GALNT8: variants seen among roughly 807,000 people sequenced by gnomAD.
The protein encoded by GALNT8 is probable polypeptide N-acetylgalactosaminyltransferase 8.
In GALNT8, 66 loss-of-function variants were observed where a neutral mutation model predicts 62.7. That is an observed-to-expected ratio of 1.05 (90% CI 0.86 to 1.29). The LOEUF is 1.29. Among genes scored for constraint, GALNT8 ranks in the 50% most tolerant of loss-of-function variants. The probability of loss-of-function intolerance (pLI) is 0.00; values close to 1 mark genes in which losing one functional copy is unlikely to be tolerated. For synonymous variants in GALNT8, 288 were observed against 294.3 expected (o/e 0.98, Z 0.22); for missense variants, 771 against 791.8 (o/e 0.97, Z 0.32).
At position 4,721,960 on chromosome 12, in the gene GALNT8, C is replaced by G. The variant is rs12317402; in HGVS notation, c.211+1072C>G. Among the ~76,000 whole-genome samples, 1,010 of 150,202 alleles carry G rather than the reference C, an allele frequency of 6.7e-3. 7 individuals are homozygous for G. The highest frequency in any genetic ancestry group is 0.02 in the African/African-American group (827 of 40,576). Reference sequence around the variant, plus strand: ...ATTAGGGAGTGGTGATGACTCTTAACGAGCATGCTGCCTTCAAGCATCTGT... The same window carrying G: ...ATTAGGGAGTGGTGATGACTCTTAAGGAGCATGCTGCCTTCAAGCATCTGT... On this transcript the variant is annotated intron_variant, in intron 1 of 10. Transcript: ENST00000252318.
At chr12:4,770,981 A>AG in intron 10 of GALNT8, among the ~76,000 whole-genome samples, 1 of 152,182 alleles carries the variant, frequency 6.6e-6, no homozygotes, top group East Asian at 1.9e-4. Flanking sequence ...CAGGGAACAG[A>AG]GGGGGGCTGC....
chr12:4,734,604 C>T (rs77376232), intron 2 of GALNT8, among the ~76,000 whole-genome samples: 6,031 of 151,742 alleles, frequency 0.04, 235 homozygotes, highest in East Asian at 0.2. Context: ...ACCCTCCCAC[C>T]TGTATTATGG....
At chr12:4,751,681 T>G (rs995888152) in intron 6 of GALNT8, among the ~76,000 whole-genome samples, 2 of 152,196 alleles carry the variant, frequency 1.3e-5, no homozygotes, top group Non-Finnish European at 2.9e-5. Context: ...TAACATATGG[T>G]CTGTCCTTGA....
intron 9 of GALNT8, 149 bp downstream of exon 9, chr12:4,764,196 G>C (rs769048460): frequency 1.7e-5 from 11 of 652,080 alleles, no homozygotes; most frequent in Non-Finnish European, 2.8e-5. Context: ...ACCTGCACTT[G>C]TAACTGAGCA....
Position 4,749,736 on chromosome 12 carries a change from G to A in GALNT8, c.1173+3478G>A, listed in dbSNP as rs899845660. Among the ~76,000 whole-genome samples, 1 of 151,816 alleles carries A rather than the reference G, an allele frequency of 6.6e-6. No homozygotes were observed. The highest frequency in any genetic ancestry group is 2.4e-5 in the African/African-American group (1 of 41,340). On this transcript the variant is annotated intron_variant, in intron 6 of 10. Transcript: ENST00000252318. This position sits in a 1 kb window ranked among gnomAD's most constrained non-coding sequence, Gnocchi z 4.1. ...TTTTTGGAAAAATTTAAGTAGGATT[G>A]GTACTAGTTTTTCTTTAAATATTCG...
Position 4,764,013 on chromosome 12 carries a change from C to G in GALNT8, c.1559C>G (p.Pro520Arg). 6.3e-7 allele frequency: 1 copy of G among 1,595,774 alleles called. No homozygotes were observed. Among genetic ancestry groups the G allele is most frequent in the Non-Finnish European group, 8.6e-7 (1 of 1,163,006 alleles). The change falls in exon 9 of 11, where the codon CCC (proline) becomes CGC (arginine). Residue 520 changes from proline (P) to arginine (R), a missense_variant. Coordinates refer to ENST00000252318, the MANE Select transcript of GALNT8 (RefSeq NM_017417.2). ...LDQGPVPGNTPIMYYCHEFSS... is the reference protein window; with the variant it reads ...LDQGPVPGNTRIMYYCHEFSS... The stretch of plus-strand genomic sequence containing the variant: ...CAGGGACCCGTTCCAGGCAACACCC[C>G]CATCATGTATTACTGCCATGAATTC...
intron 10 of GALNT8, chr12:4,768,467 T>G (rs1471452340): frequency 5.5e-6 from 2 of 366,806 alleles, no homozygotes; most frequent in Admixed American, 5.9e-5. Flanking sequence ...TAAATAATTA[T>G]GCATTCCAAA....
Position 4,744,500 on chromosome 12 carries a change from G to A in GALNT8, c.677-17G>A, listed in dbSNP as rs369914143. On this transcript the variant is annotated splice_polypyrimidine_tract_variant and intron_variant, in intron 3 of 10. Transcript: ENST00000252318. ...TGTTGCACTCAGAATTTCTATAGGT[G>A]TGCACTTGATTGACAGGAGAACTAA... 2 of 1,574,748 alleles carry A rather than the reference G, an allele frequency of 1.3e-6. No homozygotes were observed. The highest frequency in any genetic ancestry group is 2.7e-5 in the African/African-American group (2 of 73,734).
chr12:4,721,677 T>G (rs1946170252), intron 1 of GALNT8, among the ~76,000 whole-genome samples: 4 of 152,184 alleles, frequency 2.6e-5, no homozygotes, highest in Admixed American at 2.6e-4. Context: ...CACCGAGACA[T>G]TCCATTGCCC....
chr12:4,763,477 C>A, intron 8 of GALNT8, 87 bp downstream of exon 8: 1 of 1,071,686 alleles, frequency 9.3e-7, no homozygotes, highest in Non-Finnish European at 1.4e-6. Flanking sequence ...CCTGTCCTGC[C>A]CAAGACGCCC....
intron 3 of GALNT8, among the ~76,000 whole-genome samples, chr12:4,743,566 CT>C (rs1946281648): frequency 6.6e-6 from 1 of 152,108 alleles, no homozygotes; most frequent in Admixed American, 6.6e-5. Context: ...GGAGGGAGGA[CT>C]TGGTAAACCC....
intron 6 of GALNT8, among the ~76,000 whole-genome samples, chr12:4,747,587 C>T (rs781223844): frequency 6.6e-5 from 10 of 151,892 alleles, no homozygotes; most frequent in Non-Finnish European, 1.2e-4. Context: ...TACTCTATTG[C>T]ATACTACATT....
At chr12:4,722,595 T>C (rs1232924947) in intron 1 of GALNT8, among the ~76,000 whole-genome samples, 2 of 152,252 alleles carry the variant, frequency 1.3e-5, no homozygotes, top group Non-Finnish European at 2.9e-5. Flanking sequence ...CTCTGAATTT[T>C]ATGTGCCTGT....
At chr12:4,766,168 T>G (rs766505) in intron 10 of GALNT8, among the ~76,000 whole-genome samples, 81,373 of 151,756 alleles carry the variant, frequency 0.54, 22,179 homozygotes, top group Non-Finnish European at 0.59. Context: ...GTAGGGAAAA[T>G]ATTGGAAACA....
intron 3 of GALNT8, 95 bp downstream of exon 3, chr12:4,739,424 G>C (rs1946261031): frequency 1.1e-6 from 1 of 902,020 alleles, no homozygotes; most frequent in Non-Finnish European, 1.7e-6. Flanking sequence ...AGGACACCTT[G>C]GGTTTCTCAT....
In GALNT8 at chr12:4,746,160, G is replaced by A. The variant is rs1209118062; in HGVS notation, c.1075G>A (p.Gly359Ser). Reference protein sequence around the residue: ...TAPVKSPSIMGILAANRHFLG... With the variant: ...TAPVKSPSIMSILAANRHFLG... ...GCTCTGTAGGAGTCCTTCAATCATG[G>A]GCATCCTGGCTGCTAACAGGCACTT... Residue 359 changes from glycine (G) to serine (S), a missense_variant, in exon 6 of 11, where the codon GGC (glycine) becomes AGC (serine). By Grantham distance (56) the Gly-to-Ser change is moderately conservative (BLOSUM62 0). Transcript: ENST00000252318. The A allele has an allele frequency of 6.2e-7, 1 of 1,608,264 alleles. No individual in the cohort carries two copies. The highest frequency in any genetic ancestry group is 2.2e-5 in the East Asian group (1 of 44,834).
At chr12:4,753,070 C>T (rs1223381589) in intron 6 of GALNT8, among the ~76,000 whole-genome samples, 1 of 152,000 alleles carries the variant, frequency 6.6e-6, no homozygotes, top group Non-Finnish European at 1.5e-5. Context: ...TGTACGTTGT[C>T]CTCTTGCTGC....
At chr12:4,765,684 T>G in intron 10 of GALNT8, 138 bp downstream of exon 10, 1 of 624,120 alleles carries the variant, frequency 1.6e-6, no homozygotes, top group South Asian at 2.2e-5. Flanking sequence ...GAGATTTGGG[T>G]TGGCTGTGAG....
chr12:4,770,306 G>GAAAAAAAAAAAAAAAA (rs1251278189), intron 10 of GALNT8, among the ~76,000 whole-genome samples: 1 of 100,060 alleles, frequency 1.0e-5, no homozygotes. Context: ...TGTCTCAAAA[G>GAAAAAAAAAAAAAAAA]AAAAAAAAAA....
Sources: allele counts gnomAD v4.1 joint callset (sites outside exome capture counted in the v4.1 genomes callset), GRCh38; gene constraint gnomAD v4.1.1; non-coding constraint Gnocchi (gnomAD v3.1); transcripts MANE v1.5; gene names NCBI Gene and HGNC (gene_info 2026-07-23, HGNC 2026-07-21).